The following PDE4D variants were observed in gnomAD, a reference collection of about 807,000 sequenced individuals.
PDE4D encodes the protein 3',5'-cyclic-AMP phosphodiesterase 4D.
PDE4D carries 24 observed loss-of-function variants against 87.4 expected under a neutral mutation model. The ratio of observed to expected loss-of-function variants is 0.27; its 90% CI spans 0.20 to 0.39. PDE4D has a LOEUF of 0.39. PDE4D is among the 10% of genes least tolerant of loss of function. The pLI is 1.00. For synonymous variants in PDE4D, 384 were observed against 383.2 expected, an observed-to-expected ratio of 1.00 and a Z score of -0.02; for missense variants, 714 against 1,041.0, an observed-to-expected ratio of 0.69 and a Z score of 4.32.
intron 1 of PDE4D, among the ~76,000 whole-genome samples, chr5:59,234,818 T>G (rs1467940470): frequency 6.6e-6 from 1 of 152,174 alleles, no homozygotes; most frequent in Admixed American, 6.5e-5. Context: ...ACCTTTGAAA[T>G]TTAATTTGAC....
chr5:60,077,202 T>C (rs979651916), intron 2 of PDE4D, among the ~76,000 whole-genome samples: 4 of 152,148 alleles, frequency 2.6e-5, no homozygotes, highest in Non-Finnish European at 5.9e-5. Flanking sequence ...AATGGTGGTT[T>C]AGTGGGGTGT....
chr5:59,959,095 GACAC>G (rs371895077), intron 3 of PDE4D, among the ~76,000 whole-genome samples: 1 of 106,706 alleles, frequency 9.4e-6, no homozygotes, highest in African/African-American at 3.7e-5. Flanking sequence ...CTTAACAATA[GACAC>G]ACACACACGC....
intron 5 of PDE4D, chr5:59,179,769 T>C (rs1741045153): frequency 3.2e-6 from 1 of 315,736 alleles, no homozygotes; most frequent in Admixed American, 5.1e-5. Flanking sequence ...GTTTGGAGAA[T>C]ATGCTAATTT....
intron 2 of PDE4D, among the ~76,000 whole-genome samples, chr5:60,184,929 T>C (rs990917967): frequency 3.3e-5 from 5 of 152,186 alleles, no homozygotes. Flanking sequence ...TTTCCTTGTG[T>C]GGCTTTCTTT....
intron 1 of PDE4D, among the ~76,000 whole-genome samples, chr5:59,440,732 C>A (rs1477234158): frequency 5.3e-5 from 8 of 152,058 alleles, no homozygotes; most frequent in Admixed American, 3.9e-4. Context: ...GCCGAGGTTG[C>A]ACCACTGCAC....
chr5:59,498,956 A>T (rs1807741456), intron 1 of PDE4D, among the ~76,000 whole-genome samples: 1 of 152,162 alleles, frequency 6.6e-6, no homozygotes, highest in Non-Finnish European at 1.5e-5. Context: ...TCCACCCAAC[A>T]ACTACAGAAT....
intron 5 of PDE4D, chr5:59,157,163 T>G: frequency 5.2e-6 from 3 of 582,324 alleles, no homozygotes; most frequent in Non-Finnish European, 9.1e-6. Flanking sequence ...GCTTCACAAT[T>G]TTTTTTTCTT....
chr5:59,568,799 G>A (rs901773885), intron 1 of PDE4D, among the ~76,000 whole-genome samples: 9 of 151,982 alleles, frequency 5.9e-5, no homozygotes, highest in African/African-American at 1.4e-4. Flanking sequence ...AATGAAACAC[G>A]AGAACTAAAT....
At chr5:59,271,481 A>C (rs975132893) in intron 1 of PDE4D, among the ~76,000 whole-genome samples, 1 of 152,178 alleles carries the variant, frequency 6.6e-6, no homozygotes, top group African/African-American at 2.4e-5. Context: ...TTTCCTTCCA[A>C]CATATTAATG....
intron 1 of PDE4D, among the ~76,000 whole-genome samples, chr5:59,415,791 T>C (rs1793509120): frequency 6.6e-6 from 1 of 152,212 alleles, no homozygotes; most frequent in African/African-American, 2.4e-5. Flanking sequence ...AATAATCTGA[T>C]ACAGTGAGTT....
intron 1 of PDE4D, among the ~76,000 whole-genome samples, chr5:60,267,269 C>A (rs751927313): frequency 6.6e-6 from 1 of 152,054 alleles, no homozygotes; most frequent in Non-Finnish European, 1.5e-5. Flanking sequence ...GGTCTACAAG[C>A]GGCTGTGGTT....
At chr5:60,243,790 AGAAG>A (rs1747403935) in intron 1 of PDE4D, among the ~76,000 whole-genome samples, 1 of 152,028 alleles carries the variant, frequency 6.6e-6, no homozygotes, top group Non-Finnish European at 1.5e-5. Context: ...ACCTATGTAT[AGAAG>A]GAACATACCT....
chr5:59,685,424 GC>G (rs1749691100), intron 1 of PDE4D, among the ~76,000 whole-genome samples: 1 of 151,972 alleles, frequency 6.6e-6, no homozygotes, highest in African/African-American at 2.4e-5. Flanking sequence ...ACAATATTAT[GC>G]ACACATGGTC....
intron 2 of PDE4D, among the ~76,000 whole-genome samples, chr5:60,003,721 A>T (rs1274284206): frequency 6.6e-6 from 1 of 151,378 alleles, no homozygotes; most frequent in Non-Finnish European, 1.5e-5. Flanking sequence ...AAAAAAAAAA[A>T]AAAAAAGAAG....
intron 1 of PDE4D, among the ~76,000 whole-genome samples, chr5:59,617,066 T>C (rs1011901100): frequency 6.6e-6 from 1 of 151,542 alleles, no homozygotes; most frequent in Admixed American, 6.6e-5. Flanking sequence ...GTGTATCTTC[T>C]CTTCTTATTT....
chr5:59,557,164 C>G (rs535635659), intron 1 of PDE4D, among the ~76,000 whole-genome samples: 1 of 152,196 alleles, frequency 6.6e-6, no homozygotes, highest in East Asian at 1.9e-4. Context: ...TAAACATATG[C>G]CATAAGGATT....
chr5:59,999,526 T>C (rs1404570011), intron 2 of PDE4D, among the ~76,000 whole-genome samples: 1 of 57,186 alleles, frequency 1.7e-5, no homozygotes, highest in Non-Finnish European at 3.5e-5. Context: ...TATCCCGTGG[T>C]AAAAAAAAAA....
At chr5:59,827,870 C>T (rs965637319) in intron 1 of PDE4D, among the ~76,000 whole-genome samples, 1 of 151,978 alleles carries the variant, frequency 6.6e-6, no homozygotes, top group Non-Finnish European at 1.5e-5. Flanking sequence ...ATGAAAAACA[C>T]ATTAAAATAA....
chr5:60,198,297 A>C lies in PDE4D; in HGVS notation c.-89-12610T>G, dbSNP rs536644220. On this transcript the variant is annotated intron_variant, in intron 1 of 16. Transcript: ENST00000502484. The stretch of plus-strand genomic sequence containing the variant: ...GATATTTTTTTCTCACTCCATTATA[A>C]AACAAGAACTCTAAGATATCCCCTA... Among the ~76,000 whole-genome samples, 45 of 151,628 alleles carry C rather than the reference A, an allele frequency of 3.0e-4. 1 individual carries two copies. Among genetic ancestry groups the C allele is most frequent in the African/African-American group, 1.1e-3 (44 of 41,482 alleles).
Sources: gnomAD v4.1 joint callset for allele counts (sites outside exome capture counted in the v4.1 genomes callset) on GRCh38, gnomAD v4.1.1 for gene constraint, MANE v1.5 for transcripts, NCBI Gene and HGNC (gene_info 2026-07-23, HGNC 2026-07-21) for gene names.